DDX24: variants seen among roughly 807,000 people sequenced by gnomAD.
DDX24 encodes DEAD-box helicase 24.
In DDX24, 24 loss-of-function variants were observed where a neutral mutation model predicts 68.9. The ratio of observed to expected loss-of-function variants is 0.35; its 90% CI spans 0.25 to 0.49. The LOEUF (loss-of-function observed/expected upper bound fraction) is 0.49. Ranked by LOEUF, DDX24 falls within the 20% of genes least tolerant of loss-of-function variation. The pLI is 0.99. For missense variants in DDX24, 989 were observed against 1,039.0 expected (o/e 0.95, Z 0.66); for synonymous variants, 395 against 385.2 (o/e 1.03, Z -0.30).
At chr14:94,079,863 T>G in intron 1 of DDX24, 116 bp from the exon 2 acceptor site, 1 of 923,454 alleles carries the variant, frequency 1.1e-6, no homozygotes, top group Non-Finnish European at 1.7e-6. Flanking sequence ...CAAAGATGGC[T>G]ATCACACAGT....
chr14:94,074,886 A>C (rs1885905156), intron 2 of DDX24, among the ~76,000 whole-genome samples: 1 of 152,250 alleles, frequency 6.6e-6, no homozygotes, highest in Admixed American at 6.5e-5. Context: ...ACAATCGGAA[A>C]TAAAAAATTT....
rs1422861687 is a variant in DDX24, at chr14:94,060,342, C to T, written c.1669G>A (p.Glu557Lys). 3 of 1,614,116 alleles carry T rather than the reference C, an allele frequency of 1.9e-6. No homozygotes were observed. The highest frequency in any genetic ancestry group is 2.5e-6 in the Non-Finnish European group (3 of 1,180,058). The change falls in exon 5 of 9, where the codon GAG becomes AAG. Residue 557 changes from glutamate to lysine, a missense_variant. By Grantham distance (56) the Glu-to-Lys change is moderately conservative. Transcript: ENST00000621632. The stretch of plus-strand genomic sequence containing the variant: ...TCTGTTAGCGTCTCCACCGTGGCCT[C>T]ATTCCTTGTGAGGTCAATGACCTTG... ...KPKVIDLTRN[E>K]ATVETLTETK...
At chr14:94,080,711 A>AG (rs1449750696) in intron 1 of DDX24, among the ~76,000 whole-genome samples, 1 of 146,994 alleles carries the variant, frequency 6.8e-6, no homozygotes, top group African/African-American at 2.6e-5. Flanking sequence ...AACAAAAAAC[A>AG]AACAAAAAAA....
chr14:94,080,156 C>T (rs3790041), intron 1 of DDX24, among the ~76,000 whole-genome samples: 19,962 of 152,158 alleles, frequency 0.13, 1,893 homozygotes, highest in African/African-American at 0.27. Flanking sequence ...ACCTGCCACA[C>T]CTAAGTCGTT....
At position 94,062,590 on chromosome 14, in the gene DDX24, T is replaced by G. The variant is rs1885620740; in HGVS notation, c.750A>C (p.Pro250=). The change falls in exon 3 of 9, where the codon CCA becomes CCC. Residue 250 remains proline (P), a synonymous_variant. Transcript: ENST00000621632. ...GSGKTLAFAI[P]MIHAVLQWQK... is the part of the protein sequence containing the mutation. Reference sequence around the variant, plus strand: ...GCCACTGCAACACCGCATGAATCATTGGGATGGCAAAGGCAAGAGTTTTCC... The same window carrying G: ...GCCACTGCAACACCGCATGAATCATGGGGATGGCAAAGGCAAGAGTTTTCC... 1.2e-6 allele frequency: 2 copies of G among 1,603,202 alleles called. No individual in the cohort carries two copies. The highest frequency in any genetic ancestry group is 1.7e-5 in the Admixed American group (1 of 57,400).
intron 2 of DDX24, among the ~76,000 whole-genome samples, chr14:94,066,483 T>C (rs996201147): frequency 1.3e-5 from 2 of 152,178 alleles, no homozygotes; most frequent in Non-Finnish European, 1.5e-5. Flanking sequence ...CTCCATACTA[T>C]AGCTGATGCT....
rs1555435244 is a variant in DDX24, at chr14:94,048,887, CAGTA to C, written c.*2300_*2303del. The C allele has an allele frequency of 6.6e-6, 1 of 152,254 alleles. No individual in the cohort carries two copies. The highest frequency in any genetic ancestry group is 1.5e-5 in the Non-Finnish European group (1 of 68,054). 9.4% of individuals were successfully genotyped at this position (152,254 alleles called of 1,614,324 possible). A position where few individuals can be genotyped will look rare whatever the true frequency, so the allele number is the denominator to read the frequency against. On this transcript the variant is annotated 3_prime_UTR_variant, in exon 9 of 9. Transcript: ENST00000621632. ...GGCCAAGCCCTACAGCTTCCCTAGG[CAGTA>C]AGTAAAAACATTCTCCTAGCATTAA...
Position 94,077,061 on chromosome 14 carries a change from A to G in DDX24, c.718+1964T>C, listed in dbSNP as rs559923562. Among the ~76,000 whole-genome samples the G allele has an allele frequency of 5.3e-5, 8 of 152,334 alleles. No individual in the cohort carries two copies. In the East Asian group the frequency reaches 1.5e-3, roughly 29 times the overall value. On this transcript the variant is annotated intron_variant, in intron 2 of 8. Coordinates refer to ENST00000621632, the MANE Select transcript of DDX24 (RefSeq NM_020414.4). Reference sequence around the variant, plus strand: ...CTTAATAACATTTTTTCTCTAGCTTATGTTACTGTAAGAATAAAGTATATA... The same window carrying G: ...CTTAATAACATTTTTTCTCTAGCTTGTGTTACTGTAAGAATAAAGTATATA...
At chr14:94,066,815 A>C (rs1193787649) in intron 2 of DDX24, among the ~76,000 whole-genome samples, 1 of 152,186 alleles carries the variant, frequency 6.6e-6, no homozygotes, top group African/African-American at 2.4e-5. Context: ...ACACTCCATG[A>C]GACAAAAGAA....
chr14:94,079,115 G>A lies in DDX24; in HGVS notation c.628C>T (p.Leu210=). ...PRPVLRALSF[L]GFSAPTPIQA... ...ATTGGTGTGGGTGCAGAGAAGCCTA[G>A]AAAGCTGAGTGCTCGGAGAACCGGC... Residue 210 remains leucine, a synonymous_variant, in exon 2 of 9, where the codon CTA becomes TTA. Transcript: ENST00000621632. The A allele has an allele frequency of 1.2e-6, 2 of 1,614,200 alleles. No individual in the cohort carries two copies. Among genetic ancestry groups the A allele is most frequent in the Non-Finnish European group, 1.7e-6 (2 of 1,180,034 alleles).
chr14:94,068,132 G>C (rs1885743993), intron 2 of DDX24, among the ~76,000 whole-genome samples: 1 of 151,958 alleles, frequency 6.6e-6, no homozygotes, highest in Non-Finnish European at 1.5e-5. Context: ...TAACACATAA[G>C]GACTCACATA....
chr14:94,079,768 C>G (rs1402897191), intron 1 of DDX24, 21 bp from the exon 2 acceptor site: 2 of 1,600,564 alleles, frequency 1.2e-6, no homozygotes, highest in African/African-American at 2.7e-5. Flanking sequence ...GATACATGTT[C>G]TATTAGGTTG....
Position 94,079,249 on chromosome 14 carries a change from G to A in DDX24, c.494C>T (p.Pro165Leu), listed in dbSNP as rs1886006135. The change falls in exon 2 of 9, where the codon CCT becomes CTT. Residue 165 changes from proline (P) to leucine (L), a missense_variant. By Grantham distance (98) the Pro-to-Leu change is moderately conservative. Coordinates refer to ENST00000621632, the MANE Select transcript of DDX24 (RefSeq NM_020414.4). ...CACCTTGGCAGCAGTGCTCTGAGAA[G>A]GCTCCAACCCTTTTTTCCCTTTATT... ...KKNKGKKGLE[P>L]SQSTAAKVPK... The A allele has an allele frequency of 6.2e-7, 1 of 1,614,164 alleles. No homozygotes were observed.
intron 2 of DDX24, among the ~76,000 whole-genome samples, chr14:94,070,829 C>T (rs1885813064): frequency 6.6e-6 from 1 of 152,152 alleles, no homozygotes; most frequent in South Asian, 2.1e-4. Context: ...GAAACTGGAT[C>T]CTCATCTCTC....
intron 2 of DDX24, among the ~76,000 whole-genome samples, chr14:94,069,978 C>T (rs1023862267): frequency 3.3e-5 from 5 of 152,156 alleles, no homozygotes; most frequent in Non-Finnish European, 7.4e-5. Context: ...ACTCTTACCA[C>T]TCCTCTTCAA....
At chr14:94,078,970 A>C in intron 2 of DDX24, 55 bp downstream of exon 2, 1 of 1,509,768 alleles carries the variant, frequency 6.6e-7, no homozygotes, top group Non-Finnish European at 9.0e-7. Flanking sequence ...CTGGCCTATT[A>C]GCAGCTATGG....
At position 94,079,139 on chromosome 14, in the gene DDX24, G is replaced by C; in HGVS notation, c.604C>G (p.Pro202Ala). The part of the protein sequence containing the change: ...SAWKDLFVPR[P>A]VLRALSFLGF... ...AGAAAGCTGAGTGCTCGGAGAACCG[G>C]CCTGGGAACAAACAGGTCCTTCCAA... Residue 202 changes from proline (P) to alanine (A), a missense_variant, in exon 2 of 9, where the codon CCG (proline) becomes GCG (alanine). Transcript: ENST00000621632. 2.5e-6 allele frequency: 4 copies of C among 1,614,204 alleles called. No individual in the cohort carries two copies. The highest frequency in any genetic ancestry group is 1.6e-4 in the Middle Eastern group (1 of 6,062).
chr14:94,057,456 T>C, intron 6 of DDX24: 1 of 202,354 alleles, frequency 4.9e-6, no homozygotes, highest in Non-Finnish European at 9.8e-6. Context: ...TGTTCAAGGT[T>C]ACACAGCTGG....
rs1237440190 is a variant in DDX24 at position 94,051,480 on chromosome 14, A to G, written c.2309-18T>C. The G allele has an allele frequency of 6.6e-7, 1 of 1,515,804 alleles. No individual in the cohort carries two copies. Among genetic ancestry groups the G allele is most frequent in the Non-Finnish European group, 8.8e-7 (1 of 1,135,008 alleles). The allele number at this position is 1,515,804 out of a possible 1,614,324, so 93.9% of individuals were successfully genotyped here. A position where few individuals can be genotyped will look rare whatever the true frequency, so the allele number is the denominator to read the frequency against. ...TTTTCCTCCTTGAAACACAATACAAAAACGATCCTATTTACTATGGTTTGT... is the reference window on the plus strand; with the variant it reads ...TTTTCCTCCTTGAAACACAATACAAGAACGATCCTATTTACTATGGTTTGT... On this transcript the variant is annotated intron_variant, in intron 8 of 8. Transcript: ENST00000621632.
Sources: allele counts gnomAD v4.1 joint callset (sites outside exome capture counted in the v4.1 genomes callset), GRCh38; gene constraint gnomAD v4.1.1; transcripts MANE v1.5; gene names NCBI Gene and HGNC (gene_info 2026-07-23, HGNC 2026-07-21).